The following ADTRP variants were observed in gnomAD, a reference collection of about 807,000 sequenced individuals.
ADTRP encodes the protein androgen dependent TFPI regulating protein, also known as androgen-dependent TFPI-regulating protein.
A neutral mutation model predicts 27.0 loss-of-function variants in ADTRP; 20 were observed. The ratio of observed to expected loss-of-function variants is 0.74; its 90% CI spans 0.52 to 1.08. The LOEUF (loss-of-function observed/expected upper bound fraction) is 1.08, where lower values mean the gene tolerates loss of function less well. Among genes scored for constraint, ADTRP ranks in the 50% least tolerant of loss-of-function variants. The pLI is 0.00. For missense variants in ADTRP, 251 were observed against 275.0 expected (o/e 0.91, Z 0.62); for synonymous variants, 101 against 105.2 (o/e 0.96, Z 0.25).
intron 3 of ADTRP, among the ~76,000 whole-genome samples, chr6:11,748,992 CATTTTGCAATCG>C (rs1220709807): frequency 6.6e-6 from 1 of 152,208 alleles, no homozygotes; most frequent in African/African-American, 2.4e-5. Context: ...AGGGAAATAA[CATTTTGCAATCG>C]ATTTTGCCAT....
intron 2 of ADTRP, 44 bp from the exon 3 acceptor site, chr6:11,766,419 T>C: frequency 7.1e-7 from 1 of 1,411,580 alleles, no homozygotes; most frequent in Non-Finnish European, 9.9e-7. Context: ...GGCTTGTTTT[T>C]AATCAGAGCT....
intron 3 of ADTRP, among the ~76,000 whole-genome samples, chr6:11,760,550 G>A (rs1360990224): frequency 6.6e-6 from 1 of 152,036 alleles, no homozygotes; most frequent in African/African-American, 2.4e-5. Flanking sequence ...TAGTCTCCTG[G>A]AATATCTTAT....
intron 4 of ADTRP, among the ~76,000 whole-genome samples, chr6:11,731,805 T>C (rs1304741044): frequency 6.6e-6 from 1 of 152,130 alleles, no homozygotes; most frequent in Non-Finnish European, 1.5e-5. Flanking sequence ...CACTTATAAT[T>C]TGTATGCATG....
At chr6:11,759,750 TG>T (rs1763339709) in intron 3 of ADTRP, among the ~76,000 whole-genome samples, 1 of 152,202 alleles carries the variant, frequency 6.6e-6, no homozygotes, top group Non-Finnish European at 1.5e-5. Flanking sequence ...ACATTGAAGA[TG>T]TAATTAAATT....
chr6:11,729,296 A>G (rs1762311362), intron 4 of ADTRP, among the ~76,000 whole-genome samples: 1 of 152,146 alleles, frequency 6.6e-6, no homozygotes, highest in Admixed American at 6.5e-5. Context: ...TAGTTTACCT[A>G]GATGTTGAGG....
chr6:11,759,301 T>C (rs1005279408), intron 3 of ADTRP, among the ~76,000 whole-genome samples: 4 of 152,226 alleles, frequency 2.6e-5, no homozygotes, highest in Admixed American at 2.6e-4. Context: ...TATTTGGGAA[T>C]GTGCTGTCAC....
At chr6:11,769,902 C>T (rs774293561) in intron 1 of ADTRP, 4 of 992,926 alleles carry the variant, frequency 4.0e-6, no homozygotes, top group Non-Finnish European at 6.1e-6. Flanking sequence ...AGCTATAAAG[C>T]GGACTTTTAT....
At chr6:11,768,505 GT>G (rs1228344383) in intron 1 of ADTRP, 122 bp from the exon 2 acceptor site, 19 of 1,322,788 alleles carry the variant, frequency 1.4e-5, no homozygotes, top group Non-Finnish European at 1.9e-5. Flanking sequence ...CTGTTGGGTT[GT>G]TTTGGTTGAG....
At chr6:11,770,986 G>A (rs1763755695) in intron 1 of ADTRP, among the ~76,000 whole-genome samples, 1 of 152,158 alleles carries the variant, frequency 6.6e-6, no homozygotes, top group Non-Finnish European at 1.5e-5. Context: ...GGCCGCCTCC[G>A]CCCGGCGTGT....
At chr6:11,727,120 T>C (rs1762233464) in intron 4 of ADTRP, among the ~76,000 whole-genome samples, 2 of 152,238 alleles carry the variant, frequency 1.3e-5, no homozygotes, top group South Asian at 4.1e-4. Flanking sequence ...CTTCCTGGGT[T>C]CAGCGATTCT....
intron 5 of ADTRP, among the ~76,000 whole-genome samples, chr6:11,720,791 A>T (rs1456358581): frequency 6.6e-6 from 1 of 152,044 alleles, no homozygotes; most frequent in Non-Finnish European, 1.5e-5. Context: ...TCTAACTGGT[A>T]CGCCTTGTCA....
intron 4 of ADTRP, among the ~76,000 whole-genome samples, chr6:11,735,011 A>G (rs998315259): frequency 7.4e-6 from 1 of 135,992 alleles, no homozygotes; most frequent in African/African-American, 2.4e-5. Context: ...AGCGTTTCTG[A>G]AAATGAGTAT....
intron 5 of ADTRP, chr6:11,717,351 T>C: frequency 1.5e-6 from 2 of 1,304,296 alleles, no homozygotes; most frequent in Non-Finnish European, 2.0e-6. Flanking sequence ...TGACTTCCAA[T>C]CGGGCCACTG....
chr6:11,729,389 C>T (rs1012127792), intron 4 of ADTRP, among the ~76,000 whole-genome samples: 1 of 152,236 alleles, frequency 6.6e-6, no homozygotes, highest in Middle Eastern at 3.4e-3. Context: ...TGAGACACCC[C>T]CTTCCAGTTT....
chr6:11,778,695 T>A lies in ADTRP; in HGVS notation c.65A>T (p.Tyr22Phe), dbSNP rs774330997. 1.2e-6 allele frequency: 2 copies of A among 1,614,228 alleles called. No homozygotes were observed. The highest frequency in any genetic ancestry group is 1.7e-6 in the Non-Finnish European group (2 of 1,180,042). ...GTCTTTTCCTTCCTGTGAGATGTAA[T>A]AATTGAGGAAAGTATACCAGCTCAG... ...LVLSWYTFLN[Y>F]YISQEGKDEV... The change falls in exon 1 of 6, where the codon TAT (tyrosine) becomes TTT (phenylalanine). Residue 22 changes from tyrosine (Y) to phenylalanine (F), a missense_variant. Coordinates refer to ENST00000414691, the MANE Select transcript of ADTRP (RefSeq NM_032744.4).
chr6:11,778,496 G>A, intron 1 of ADTRP, 111 bp downstream of exon 1: 1 of 1,373,686 alleles, frequency 7.3e-7, no homozygotes, highest in Non-Finnish European at 9.8e-7. Context: ...CGGTGAAGAA[G>A]GAAGACAAAT....
rs368684774 is a variant in ADTRP, at chr6:11,770,052, G to A, written c.154-1669C>T. The A allele has an allele frequency of 2.3e-4, 352 of 1,551,688 alleles. No individual in the cohort carries two copies. The African/African-American group carries it at 4.4e-3, about 19-fold the overall frequency. On this transcript the variant is annotated intron_variant, in intron 1 of 5. Coordinates refer to ENST00000414691, the MANE Select transcript of ADTRP (RefSeq NM_032744.4). ...AAACCTGCCTAAAGCTTCCTGGCTGGTAGATGTCAAACCCAGCAGTCCTGT... is the reference window on the plus strand; with the variant it reads ...AAACCTGCCTAAAGCTTCCTGGCTGATAGATGTCAAACCCAGCAGTCCTGT...
chr6:11,717,912 G>A (rs1761883997), intron 5 of ADTRP, among the ~76,000 whole-genome samples: 1 of 152,268 alleles, frequency 6.6e-6, no homozygotes, highest in Non-Finnish European at 1.5e-5. Flanking sequence ...TGCTTTAGAA[G>A]TACCTGTGGA....
At chr6:11,722,095 G>A (rs2113873857) in intron 5 of ADTRP, among the ~76,000 whole-genome samples, 1 of 151,994 alleles carries the variant, frequency 6.6e-6, no homozygotes, top group African/African-American at 2.4e-5. Context: ...GCCAAAACTA[G>A]TTAGAATTAT....
Sources: allele counts gnomAD v4.1 joint callset (sites outside exome capture counted in the v4.1 genomes callset), GRCh38; gene constraint gnomAD v4.1.1; transcripts MANE v1.5; gene names NCBI Gene and HGNC (gene_info 2026-07-23, HGNC 2026-07-21).